PRKG1: variants seen among roughly 807,000 people sequenced by gnomAD.
PRKG1 encodes the protein cGMP-dependent protein kinase 1.
Under a neutral mutation model 88.1 loss-of-function variants are expected in PRKG1, and 35 were observed. That is an observed-to-expected ratio of 0.40 (90% CI 0.30 to 0.53). The LOEUF (loss-of-function observed/expected upper bound fraction) is 0.53. PRKG1 is among the 20% of genes least tolerant of loss of function. The probability of loss-of-function intolerance (pLI) is 0.59; values close to 1 mark genes in which losing one functional copy is unlikely to be tolerated. For missense variants in PRKG1, 540 were observed against 839.8 expected (o/e 0.64, Z 4.41); for synonymous variants, 303 against 292.5 (o/e 1.04, Z -0.37).
chr10:51,392,720 G>A (rs1313733678), intron 2 of PRKG1, among the ~76,000 whole-genome samples: 21 of 151,070 alleles, frequency 1.4e-4, no homozygotes, highest in African/African-American at 4.6e-4. Flanking sequence ...GGGCAGAGGC[G>A]CCCCTCACCT....
chr10:51,293,714 A>G (rs1311717129), intron 2 of PRKG1, among the ~76,000 whole-genome samples: 2 of 151,856 alleles, frequency 1.3e-5, no homozygotes, highest in East Asian at 3.9e-4. Flanking sequence ...CAACATACTG[A>G]TTTTTTTTGG....
chr10:51,068,820 G>A (rs1843785962), intron 1 of PRKG1, among the ~76,000 whole-genome samples: 1 of 151,900 alleles, frequency 6.6e-6, no homozygotes, highest in Non-Finnish European at 1.5e-5. Context: ...TTATCATACA[G>A]GTATGTTGCA....
chr10:51,564,243 C>T (rs1837543385), intron 3 of PRKG1, among the ~76,000 whole-genome samples: 1 of 151,784 alleles, frequency 6.6e-6, no homozygotes, highest in African/African-American at 2.4e-5. Flanking sequence ...CAAAAAAACC[C>T]TTTTTCTCAC....
chr10:51,030,020 A>T (rs1326027398), intron 1 of PRKG1, among the ~76,000 whole-genome samples: 1 of 152,198 alleles, frequency 6.6e-6, no homozygotes, highest in Admixed American at 6.6e-5. Flanking sequence ...TGATAGAGAA[A>T]ATAGCAAACA....
At chr10:51,242,399 T>C (rs1457525958) in intron 2 of PRKG1, among the ~76,000 whole-genome samples, 5 of 152,164 alleles carry the variant, frequency 3.3e-5, no homozygotes, top group Admixed American at 3.3e-4. Context: ...AAATATTAGA[T>C]TGGATAGGGT....
At chr10:51,325,715 A>G (rs960572906) in intron 2 of PRKG1, among the ~76,000 whole-genome samples, 1 of 152,114 alleles carries the variant, frequency 6.6e-6, no homozygotes, top group African/African-American at 2.4e-5. Flanking sequence ...ACGTTTCTCC[A>G]ATATTTTCTT....
intron 8 of PRKG1, among the ~76,000 whole-genome samples, chr10:52,160,650 A>G (rs1169309526): frequency 6.6e-6 from 1 of 152,040 alleles, no homozygotes; most frequent in Non-Finnish European, 1.5e-5. Flanking sequence ...AAAAAAGTAT[A>G]TGTAAAAGCA....
chr10:51,564,121 C>A (rs1008270314), intron 3 of PRKG1, among the ~76,000 whole-genome samples: 1 of 151,930 alleles, frequency 6.6e-6, no homozygotes. Flanking sequence ...TCTCATATAC[C>A]TTTGGGGCAT....
At chr10:52,073,486 A>C (rs1284304692) in intron 7 of PRKG1, among the ~76,000 whole-genome samples, 1 of 152,124 alleles carries the variant, frequency 6.6e-6, no homozygotes, top group Non-Finnish European at 1.5e-5. Context: ...TTCATTATCT[A>C]TGCTGTAATC....
At chr10:52,259,992 C>T (rs1841395890) in intron 10 of PRKG1, among the ~76,000 whole-genome samples, 1 of 151,404 alleles carries the variant, frequency 6.6e-6, no homozygotes. Flanking sequence ...TTCTTTTTTC[C>T]TTAATTTACT....
chr10:50,996,171 C>A (rs538762742), intron 1 of PRKG1, among the ~76,000 whole-genome samples: 1 of 152,154 alleles, frequency 6.6e-6, no homozygotes, highest in African/African-American at 2.4e-5. Context: ...CTGTGCTGAG[C>A]TATTTACCTG....
intron 1 of PRKG1, among the ~76,000 whole-genome samples, chr10:51,044,204 T>C (rs1193358338): frequency 6.6e-6 from 1 of 152,176 alleles, no homozygotes; most frequent in East Asian, 1.9e-4. Flanking sequence ...TTCTGGATCT[T>C]TCAGACCTCA....
intron 2 of PRKG1, among the ~76,000 whole-genome samples, chr10:51,205,186 C>T (rs1329281411): frequency 2.9e-5 from 3 of 102,842 alleles, no homozygotes; most frequent in Non-Finnish European, 5.4e-5. Context: ...GTTGCCCAGG[C>T]GGGAGTGCAG....
intron 1 of PRKG1, among the ~76,000 whole-genome samples, chr10:51,043,832 G>A (rs1313562870): frequency 6.6e-6 from 1 of 152,158 alleles, no homozygotes; most frequent in African/African-American, 2.4e-5. Flanking sequence ...CAATGGCATT[G>A]GATGGGGAGA....
intron 7 of PRKG1, among the ~76,000 whole-genome samples, chr10:52,071,539 A>G (rs1422388839): frequency 3.3e-5 from 5 of 152,016 alleles, no homozygotes; most frequent in Non-Finnish European, 5.9e-5. Flanking sequence ...AATTATTTTT[A>G]GAATGTCAAA....
intron 4 of PRKG1, among the ~76,000 whole-genome samples, chr10:51,851,797 G>A (rs916627348): frequency 6.6e-6 from 1 of 152,116 alleles, no homozygotes; most frequent in Non-Finnish European, 1.5e-5. Context: ...GGACACTCAC[G>A]TACATTTTGC....
chr10:52,108,172 GT>G (rs1343113790), intron 7 of PRKG1, among the ~76,000 whole-genome samples: 2 of 152,160 alleles, frequency 1.3e-5, no homozygotes, highest in Non-Finnish European at 2.9e-5. Context: ...ATTGACTCCA[GT>G]TTTTCTGATC....
intron 5 of PRKG1, among the ~76,000 whole-genome samples, chr10:52,000,342 C>T (rs191549201): frequency 6.6e-6 from 1 of 151,872 alleles, no homozygotes; most frequent in Non-Finnish European, 1.5e-5. Context: ...TATATAATTT[C>T]AACAGATGAT....
At chr10:51,807,908 A>G (rs1330217430) in intron 4 of PRKG1, among the ~76,000 whole-genome samples, 1 of 152,194 alleles carries the variant, frequency 6.6e-6, no homozygotes, top group Admixed American at 6.5e-5. Flanking sequence ...GACAGGAGGC[A>G]GGAGAAGGTC....
Sources: allele counts gnomAD v4.1 joint callset (sites outside exome capture counted in the v4.1 genomes callset), GRCh38; gene constraint gnomAD v4.1.1; transcripts MANE v1.5; gene names NCBI Gene and HGNC (gene_info 2026-07-23, HGNC 2026-07-21).